Variants in GDAP1 observed in about 807,000 individuals in gnomAD.
GDAP1 encodes the protein ganglioside induced differentiation associated protein 1.
Under a neutral mutation model 40.1 loss-of-function variants are expected in GDAP1, and 34 were observed. The ratio of observed to expected loss-of-function variants is 0.85; its 90% CI spans 0.64 to 1.13. The LOEUF is 1.13. Ranked by LOEUF, GDAP1 falls within the 50% of genes most tolerant of loss-of-function variation. The pLI is 0.00. For missense variants in GDAP1, 374 were observed against 433.7 expected, an observed-to-expected ratio of 0.86 and a Z score of 1.22; for synonymous variants, 170 against 157.4, an observed-to-expected ratio of 1.08 and a Z score of -0.60.
intron 2 of GDAP1, among the ~76,000 whole-genome samples, chr8:74,372,893 G>A (rs1020712634): frequency 6.6e-6 from 1 of 152,088 alleles, no homozygotes; most frequent in Non-Finnish European, 1.5e-5. Context: ...GGTTTTTATG[G>A]TTTTAGGTCT....
At chr8:74,468,667 A>G (rs1586844209) in intron 2 of GDAP1, among the ~76,000 whole-genome samples, 1 of 152,048 alleles carries the variant, frequency 6.6e-6, no homozygotes. Flanking sequence ...CTGCTAATTT[A>G]CTCAATTCTC....
intron 2 of GDAP1, among the ~76,000 whole-genome samples, chr8:74,482,362 C>T (rs1806723504): frequency 6.6e-6 from 1 of 152,092 alleles, no homozygotes; most frequent in African/African-American, 2.4e-5. Flanking sequence ...GGCCTATCAC[C>T]TCTACTTCCT....
chr8:74,358,862 G>T (rs1048593411), intron 2 of GDAP1, among the ~76,000 whole-genome samples: 3 of 152,132 alleles, frequency 2.0e-5, no homozygotes, highest in Non-Finnish European at 4.4e-5. Context: ...AGCAATGTAG[G>T]CACAATCCAT....
At chr8:74,411,542 T>TATAC (rs1428560838) in intron 2 of GDAP1, among the ~76,000 whole-genome samples, 1 of 147,354 alleles carries the variant, frequency 6.8e-6, no homozygotes, top group Non-Finnish European at 1.5e-5. Flanking sequence ...TATATATATA[T>TATAC]ATACACACAA....
chr8:74,473,827 T>C (rs1029914282), intron 2 of GDAP1, among the ~76,000 whole-genome samples: 1 of 151,208 alleles, frequency 6.6e-6, no homozygotes, highest in Non-Finnish European at 1.5e-5. Context: ...ATAGTTTTTT[T>C]CCTGGTTCTG....
rs104894080 is a variant in GDAP1, at chr8:74,364,005, C to T, written c.715C>T (p.Leu239Phe). The change falls in exon 6 of 6, where the codon CTC becomes TTC. Residue 239 changes from leucine to phenylalanine, a missense_variant. Physicochemically the swap from Leu to Phe is conservative, Grantham distance 22. Coordinates refer to ENST00000220822, the MANE Select transcript of GDAP1 (RefSeq NM_018972.4). ...ATTAGAAGAGGGCCAGCAACCTTGG[C>T]TCTGCGGTGAATCCTTCACCCTGGC... ...ETPEEGQQPW[L>F]CGESFTLADV... The T allele has an allele frequency of 4.3e-5, 69 of 1,613,944 alleles. No homozygotes were observed. Among genetic ancestry groups the T allele is most frequent in the Non-Finnish European group, 5.7e-5 (67 of 1,179,932 alleles).
At chr8:74,370,681 A>G (rs1809732652), downstream of GDAP1, among the ~76,000 whole-genome samples, 1 of 152,250 alleles carries the variant, frequency 6.6e-6, no homozygotes, top group Non-Finnish European at 1.5e-5. Context: ...CATTGAATGT[A>G]AAATGTTCCA....
At chr8:74,351,608 A>T (rs1374874872) in intron 2 of GDAP1, 142 bp downstream of exon 2, 12 of 764,468 alleles carry the variant, frequency 1.6e-5, no homozygotes, top group Non-Finnish European at 2.6e-5. Context: ...CCATTTCCAT[A>T]AGCACACAAA....
chr8:74,472,075 ATCCTCTCCC>A (rs1038334122), intron 2 of GDAP1, among the ~76,000 whole-genome samples: 1 of 151,990 alleles, frequency 6.6e-6, no homozygotes, highest in African/African-American at 2.4e-5. Flanking sequence ...ATTTTTTCTG[ATCCTCTCCC>A]TCCTCTCACA....
At chr8:74,430,435 A>G (rs931038819) in intron 2 of GDAP1, among the ~76,000 whole-genome samples, 1 of 152,190 alleles carries the variant, frequency 6.6e-6, no homozygotes, top group African/African-American at 2.4e-5. Context: ...ACTCCACACA[A>G]TATGGTTCTA....
At chr8:74,423,223 A>G (rs1231721210) in intron 2 of GDAP1, among the ~76,000 whole-genome samples, 6 of 147,098 alleles carry the variant, frequency 4.1e-5, no homozygotes, top group Non-Finnish European at 3.0e-5. Flanking sequence ...TATGTATACT[A>G]TATATAATAT....
intron 4 of GDAP1, among the ~76,000 whole-genome samples, chr8:74,362,273 C>T (rs1036517376): frequency 2.0e-5 from 3 of 152,126 alleles, no homozygotes; most frequent in Admixed American, 6.5e-5. Flanking sequence ...GGTATTCCAC[C>T]ACTGGAAGTC....
intron 1 of GDAP1, among the ~76,000 whole-genome samples, 183 bp from the exon 2 acceptor site, chr8:74,351,091 T>G (rs563341169): frequency 6.6e-6 from 1 of 152,330 alleles, no homozygotes; most frequent in Admixed American, 6.5e-5. Flanking sequence ...TTTGTGTTCT[T>G]CTCTTAATTT....
In GDAP1 at chr8:74,388,509, C is replaced by A. The variant is rs138630809; in HGVS notation, c.165+37188C>A. 1.6e-4 allele frequency among the ~76,000 whole-genome samples: 25 copies of A among 152,190 alleles called. No homozygotes were observed. In the East Asian group the frequency reaches 4.8e-3, roughly 29 times the overall value. ...GTGGTTTTGAGTGAGTTTCTTAATC[C>A]TGAGTTCCAGTTTGATTGCACTGTG... On this transcript the variant is annotated intron_variant, in intron 2 of 2. Transcript: ENST00000523640.
chr8:74,370,017 A>G (rs1041363924), downstream of GDAP1, among the ~76,000 whole-genome samples: 4 of 152,234 alleles, frequency 2.6e-5, no homozygotes, highest in African/African-American at 4.8e-5. Flanking sequence ...TTTATTTCAT[A>G]TAAATTGAAG....
chr8:74,455,286 A>G (rs1027070205), intron 2 of GDAP1, among the ~76,000 whole-genome samples: 1 of 151,936 alleles, frequency 6.6e-6, no homozygotes, highest in South Asian at 2.1e-4. Flanking sequence ...TCAAGGTACA[A>G]TTTCTTCAGA....
At chr8:74,359,737 C>G (rs1809264394) in intron 2 of GDAP1, among the ~76,000 whole-genome samples, 1 of 152,132 alleles carries the variant, frequency 6.6e-6, no homozygotes, top group Non-Finnish European at 1.5e-5. Context: ...AAAAAAGATG[C>G]AATGAATTAC....
At chr8:74,375,767 A>G (rs1290332202) in intron 2 of GDAP1, among the ~76,000 whole-genome samples, 3 of 152,184 alleles carry the variant, frequency 2.0e-5, no homozygotes, top group Non-Finnish European at 4.4e-5. Context: ...TTGTTATCCC[A>G]TGGAGTAATA....
intron 2 of GDAP1, among the ~76,000 whole-genome samples, chr8:74,482,335 C>T (rs1441611881): frequency 6.6e-6 from 1 of 152,056 alleles, no homozygotes; most frequent in Admixed American, 6.6e-5. Context: ...TGCAAGGATC[C>T]AATATGGCTT....
Sources: gnomAD v4.1 joint callset for allele counts (sites outside exome capture counted in the v4.1 genomes callset) on GRCh38, gnomAD v4.1.1 for gene constraint, MANE v1.5 for transcripts, NCBI Gene and HGNC (gene_info 2026-07-23, HGNC 2026-07-21) for gene names.